Variants in MSH3 observed in about 807,000 individuals in gnomAD.
MSH3 encodes the protein mutS homolog 3, also known as DNA mismatch repair protein Msh3.
In MSH3, 106 loss-of-function variants were observed where a neutral mutation model predicts 123.3. That is an observed-to-expected ratio of 0.86 (90% confidence interval 0.73 to 1.01). The LOEUF (loss-of-function observed/expected upper bound fraction) is 1.01. Ranked by LOEUF, MSH3 falls within the 50% of genes least tolerant of loss-of-function variation. The probability of loss-of-function intolerance (pLI) is 0.00; values close to 1 mark genes in which losing one functional copy is unlikely to be tolerated. For missense variants in MSH3, 1,459 were observed against 1,347.6 expected, an observed-to-expected ratio of 1.08 and a Z score of -1.29; for synonymous variants, 515 against 481.4, an observed-to-expected ratio of 1.07 and a Z score of -0.91.
At chr5:80,707,726 T>C (rs937523661) in intron 8 of MSH3, among the ~76,000 whole-genome samples, 1 of 152,194 alleles carries the variant, frequency 6.6e-6, no homozygotes, top group African/African-American at 2.4e-5. Context: ...AACAAGACCC[T>C]GTCTCAAAAA....
chr5:80,841,069 C>T lies in MSH3; in HGVS notation c.2814-13061C>T, dbSNP rs533132624. ...ATCCCTCCCCACTCCCCCCACCCCA[C>T]GACAGACCCCGGTGTGTGATGTTCC... is the stretch of plus-strand genomic sequence containing the variant. On this transcript the variant is annotated intron_variant, in intron 20 of 23. Transcript: ENST00000265081. Among the ~76,000 whole-genome samples, 93 of 146,538 alleles carry T rather than the reference C, an allele frequency of 6.3e-4. 1 individual carries two copies. The highest frequency in any genetic ancestry group is 1.3e-3 in the Admixed American group (19 of 14,738).
intron 20 of MSH3, among the ~76,000 whole-genome samples, chr5:80,844,300 T>C (rs1259494675): frequency 6.6e-6 from 1 of 152,060 alleles, no homozygotes; most frequent in African/African-American, 2.4e-5. Flanking sequence ...ATATTTGCTG[T>C]GGAGTGTTTT....
At chr5:80,746,092 T>C (rs540865163) in intron 12 of MSH3, among the ~76,000 whole-genome samples, 1 of 152,254 alleles carries the variant, frequency 6.6e-6, no homozygotes, top group South Asian at 2.1e-4. Context: ...CCACCTTCTA[T>C]AGAAAACGCA....
intron 8 of MSH3, among the ~76,000 whole-genome samples, chr5:80,698,012 A>G (rs1353029638): frequency 1.3e-5 from 2 of 151,970 alleles, no homozygotes; most frequent in East Asian, 1.9e-4. Flanking sequence ...GGCTCAAGCA[A>G]TCCTCCCACC....
chr5:80,743,859 A>C (rs2112868424), intron 11 of MSH3, among the ~76,000 whole-genome samples: 1 of 150,848 alleles, frequency 6.6e-6, no homozygotes, highest in South Asian at 2.1e-4. Flanking sequence ...AAAAAAAAAA[A>C]AAAAAAAAAC....
At chr5:80,681,639 T>C (rs1019074443) in intron 8 of MSH3, among the ~76,000 whole-genome samples, 1 of 151,336 alleles carries the variant, frequency 6.6e-6, no homozygotes, top group African/African-American at 2.4e-5. Flanking sequence ...ACTTAGTATA[T>C]ATTTTATTAA....
At chr5:80,792,933 A>G (rs1744634506) in intron 19 of MSH3, 89 bp downstream of exon 19, 2 of 866,636 alleles carry the variant, frequency 2.3e-6, no homozygotes, top group East Asian at 5.3e-5. Flanking sequence ...AAAGTTACCC[A>G]AATTTCAACT....
rs754343324 is a variant in MSH3, at chr5:80,672,248, C to T, written c.797C>T (p.Ala266Val). 2 of 1,607,532 alleles carry T rather than the reference C, an allele frequency of 1.2e-6. No individual in the cohort carries two copies. The highest frequency in any genetic ancestry group is 1.1e-5 in the South Asian group (1 of 90,572). Residue 266 changes from alanine (A) to valine (V), a missense_variant, in exon 5 of 24, where the codon GCA (alanine) becomes GTA (valine). Coordinates refer to ENST00000265081, the MANE Select transcript of MSH3 (RefSeq NM_002439.5). ...YRFFGEDAEI[A>V]ARELNIYCHL... ...TTTTCTTTTTTCATTTTTTAGATTGCAGCCCGAGAGCTCAATATTTATTGC... is the reference window on the plus strand; with the variant it reads ...TTTTCTTTTTTCATTTTTTAGATTGTAGCCCGAGAGCTCAATATTTATTGC...
intron 21 of MSH3, among the ~76,000 whole-genome samples, chr5:80,860,790 C>T (rs1333738391): frequency 6.6e-6 from 1 of 152,050 alleles, no homozygotes; most frequent in Non-Finnish European, 1.5e-5. Flanking sequence ...CTCTGGTATT[C>T]TCATTAGCTG....
At chr5:80,780,803 G>A (rs1196887118) in intron 17 of MSH3, among the ~76,000 whole-genome samples, 1 of 152,180 alleles carries the variant, frequency 6.6e-6, no homozygotes, top group Non-Finnish European at 1.5e-5. Flanking sequence ...GGGAGGCGGA[G>A]GTTGCAGTGA....
intron 14 of MSH3, 152 bp downstream of exon 14, chr5:80,768,272 GT>G: frequency 2.5e-6 from 2 of 803,436 alleles, no homozygotes; most frequent in Non-Finnish European, 4.1e-6. Context: ...CCCTAAAAGT[GT>G]TACATTACAG....
intron 8 of MSH3, among the ~76,000 whole-genome samples, chr5:80,723,255 T>A (rs932198950): frequency 6.6e-6 from 1 of 152,056 alleles, no homozygotes; most frequent in African/African-American, 2.4e-5. Flanking sequence ...CTTGCCACTT[T>A]AGATATAGAT....
Position 80,876,153 on chromosome 5 carries a change from T to G in MSH3, c.*291T>G, listed in dbSNP as rs1446651908. ...AAGTGGCAGAATATAATTCCCAAGC[T>G]TTTGGAGGGTGATATAAAAATTTAC... is the stretch of plus-strand genomic sequence containing the variant. On this transcript the variant is annotated 3_prime_UTR_variant, in exon 24 of 24. Transcript: ENST00000265081. 3.0e-6 allele frequency: 1 copy of G among 332,926 alleles called. No individual in the cohort carries two copies. The highest frequency in any genetic ancestry group is 4.8e-5 in the East Asian group (1 of 20,982). The allele number at this position is 332,926 out of a possible 1,614,324, so 20.6% of individuals were successfully genotyped here.
At chr5:80,761,434 T>A in intron 12 of MSH3, 112 bp from the exon 13 acceptor site, 1 of 1,317,528 alleles carries the variant, frequency 7.6e-7, no homozygotes, top group East Asian at 2.3e-5. Flanking sequence ...AAGGAGGAGT[T>A]TCCTTTGTGC....
At chr5:80,789,012 A>C (rs1744563321) in intron 18 of MSH3, among the ~76,000 whole-genome samples, 1 of 152,098 alleles carries the variant, frequency 6.6e-6, no homozygotes, top group East Asian at 1.9e-4. Flanking sequence ...TCTGCCAGGA[A>C]GCGTTTTGTC....
Position 80,869,841 on chromosome 5 carries a change from T to TATACATATATACATATATATACAC in MSH3, c.3131-3274_3131-3273insTACATATATACATATATATACACA, listed in dbSNP as rs376147429. 3.8e-5 allele frequency among the ~76,000 whole-genome samples: 5 copies of TATACATATATACATATATATACAC among 132,532 alleles called. No homozygotes were observed. The East Asian group carries it at 1.0e-3, about 27-fold the overall frequency. 86.9% of individuals were successfully genotyped at this position (132,532 alleles called of 152,430 possible). A position where few individuals can be genotyped will look rare whatever the true frequency, so the allele number is the denominator to read the frequency against. On this transcript the variant is annotated intron_variant, in intron 22 of 23. Coordinates refer to ENST00000265081, the MANE Select transcript of MSH3 (RefSeq NM_002439.5). ...ATATATATACATATATACATATATATACACACACACACACACACACACTAT... is the reference window on the plus strand; with the variant it reads ...ATATATATACATATATACATATATATATACATATATACATATATATACACACACACACACACACACACACACTAT...
chr5:80,719,592 A>C (rs1182947259), intron 8 of MSH3, among the ~76,000 whole-genome samples: 1 of 152,166 alleles, frequency 6.6e-6, no homozygotes, highest in African/African-American at 2.4e-5. Flanking sequence ...TTTATCCCAC[A>C]TTACTGAATC....
Position 80,700,435 on chromosome 5 carries a change from A to G in MSH3, c.1340+21342A>G, listed in dbSNP as rs538287424. On this transcript the variant is annotated intron_variant, in intron 8 of 23. Coordinates refer to ENST00000265081, the MANE Select transcript of MSH3 (RefSeq NM_002439.5). ...AAATAAATCTCATATGCTGTAGGAA[A>G]ATGTTTGCCACTGGGAAACCATTTA... 4.8e-4 allele frequency among the ~76,000 whole-genome samples: 73 copies of G among 152,306 alleles called. No homozygotes were observed. In the South Asian group the frequency reaches 0.014, roughly 29 times the overall value.
At chr5:80,787,292 G>A (rs1239115876) in intron 17 of MSH3, among the ~76,000 whole-genome samples, 1 of 152,156 alleles carries the variant, frequency 6.6e-6, no homozygotes, top group South Asian at 2.1e-4. Flanking sequence ...AAATGTCAGG[G>A]TCAGATGAAA....
Sources: gnomAD v4.1 joint callset for allele counts (sites outside exome capture counted in the v4.1 genomes callset) on GRCh38, gnomAD v4.1.1 for gene constraint, MANE v1.5 for transcripts, NCBI Gene and HGNC (gene_info 2026-07-23, HGNC 2026-07-21) for gene names.